ANK3: variants seen among roughly 807,000 people sequenced by gnomAD.
ANK3 encodes ankyrin 3.
ANK3 carries 57 observed loss-of-function variants against 370.9 expected under a neutral mutation model. The observed-to-expected ratio is 0.15, with a 90% CI of 0.12 to 0.19. The LOEUF is 0.19. Ranked by LOEUF, ANK3 falls within the 10% of genes least tolerant of loss-of-function variation. The pLI is 1.00. For missense variants in ANK3, 4,439 were observed against 5,302.1 expected (o/e 0.84, Z 5.06); for synonymous variants, 1,929 against 1,946.3 (o/e 0.99, Z 0.23).
chr10:60,121,559 G>T (rs1166446315), intron 25 of ANK3, among the ~76,000 whole-genome samples: 3 of 151,946 alleles, frequency 2.0e-5, no homozygotes, highest in African/African-American at 7.2e-5. Flanking sequence ...AAGCGTGGTG[G>T]TGTGTGCCTG....
rs148109897 is a variant in ANK3, at chr10:60,069,791, G to C, written c.11090C>G (p.Ser3697Cys). 472 of 1,614,126 alleles carry C rather than the reference G, an allele frequency of 2.9e-4. No individual in the cohort carries two copies. Among genetic ancestry groups the C allele is most frequent in the Middle Eastern group, 1.5e-3 (9 of 6,060 alleles). The change falls in exon 37 of 44, where the codon TCC (serine) becomes TGC (cysteine). Residue 3697 changes from serine (S) to cysteine (C), a missense_variant. Transcript: ENST00000280772. The part of the protein sequence containing the change: ...PTSGECQEGT[S>C]SSGSLEKSAA... ...TGATTTCTCCAGGGAGCCACTACTG[G>C]ATGTGCCTTCCTGACACTCTCCGCT...
chr10:60,662,783 A>G (rs1275113397), intron 1 of ANK3, among the ~76,000 whole-genome samples: 2 of 152,196 alleles, frequency 1.3e-5, no homozygotes, highest in African/African-American at 4.8e-5. Flanking sequence ...CAGGTCTAGC[A>G]TGTCGTTGGT....
chr10:60,507,263 A>T (rs2075964926), intron 2 of ANK3, among the ~76,000 whole-genome samples: 1 of 152,232 alleles, frequency 6.6e-6, no homozygotes, highest in East Asian at 1.9e-4. Context: ...AACAATAATC[A>T]CTGCCAAAAA....
chr10:60,669,309 C>T (rs1256195282), intron 1 of ANK3, among the ~76,000 whole-genome samples: 1 of 152,186 alleles, frequency 6.6e-6, no homozygotes, highest in Non-Finnish European at 1.5e-5. Context: ...AGCTATTTTT[C>T]AAATGCATTC....
At chr10:60,641,458 G>A (rs1214093987) in intron 1 of ANK3, among the ~76,000 whole-genome samples, 3 of 151,492 alleles carry the variant, frequency 2.0e-5, no homozygotes, top group African/African-American at 7.3e-5. Flanking sequence ...ACAGAACAGA[G>A]CCCTCAGAAA....
At chr10:60,129,978 T>C (rs2093978017) in intron 25 of ANK3, among the ~76,000 whole-genome samples, 1 of 152,204 alleles carries the variant, frequency 6.6e-6, no homozygotes, top group Non-Finnish European at 1.5e-5. Context: ...CATTTTGAAA[T>C]TTATAAATAC....
intron 2 of ANK3, among the ~76,000 whole-genome samples, chr10:60,494,129 AG>A (rs2075594655): frequency 6.6e-6 from 1 of 152,160 alleles, no homozygotes; most frequent in African/African-American, 2.4e-5. Context: ...CCAGATCCAA[AG>A]CCTGTCCTGC....
In ANK3 at chr10:60,072,941, A is replaced by T. The variant is rs376931030; in HGVS notation, c.7940T>A (p.Val2647Asp). 1.1e-4 allele frequency: 184 copies of T among 1,613,894 alleles called. 2 individuals are homozygous for T. The South Asian group carries it at 2.0e-3, about 17-fold the overall frequency. The change falls in exon 37 of 44, where the codon GTT (valine) becomes GAT (aspartate). Residue 2647 changes from valine (V) to aspartate (D), a missense_variant. By Grantham distance (152) the Val-to-Asp change is radical. Coordinates refer to ENST00000280772, the MANE Select transcript of ANK3 (RefSeq NM_020987.5). Reference protein sequence around the residue: ...TELLASNDEWVKARQHGPDGQ... With the variant: ...TELLASNDEWDKARQHGPDGQ... ...ATCAGGGCCATGCTGTCTTGCCTTA[A>T]CCCACTCATCATTGGATGCCAGCAG... is the stretch of plus-strand genomic sequence containing the variant.
intron 16 of ANK3, among the ~76,000 whole-genome samples, chr10:60,194,515 T>C (rs1430746968): frequency 6.6e-6 from 1 of 152,250 alleles, no homozygotes; most frequent in Non-Finnish European, 1.5e-5. Flanking sequence ...TTTGTCCTTT[T>C]GTGGCTGGCT....
chr10:60,268,647 C>G (rs1169347161), intron 5 of ANK3, among the ~76,000 whole-genome samples: 1 of 151,728 alleles, frequency 6.6e-6, no homozygotes, highest in South Asian at 2.1e-4. Context: ...TTTGATATAT[C>G]TAATATTTCT....
Position 60,072,911 on chromosome 10 carries a change from T to G in ANK3, c.7970A>C (p.Gln2657Pro). ...VKARQHGPDGQGFPKAEEKAP... is the reference protein window; with the variant it reads ...VKARQHGPDGPGFPKAEEKAP... ...CTTCTCCTCGGCCTTGGGGAAGCCT[T>G]GTCCATCAGGGCCATGCTGTCTTGC... is the stretch of plus-strand genomic sequence containing the variant. The change falls in exon 37 of 44, where the codon CAA (glutamine) becomes CCA (proline). Residue 2657 changes from glutamine to proline, a missense_variant. Transcript: ENST00000280772. The G allele has an allele frequency of 6.2e-7, 1 of 1,614,076 alleles. No individual in the cohort carries two copies. Among genetic ancestry groups the G allele is most frequent in the South Asian group, 1.1e-5 (1 of 91,066 alleles).
chr10:60,038,940 T>C (rs563046969), intron 43 of ANK3, among the ~76,000 whole-genome samples: 2 of 152,284 alleles, frequency 1.3e-5, no homozygotes, highest in South Asian at 4.1e-4. Flanking sequence ...ACTGATGAGG[T>C]CTTAGCTTAA....
At chr10:60,424,357 A>G (rs1272059956) in intron 2 of ANK3, among the ~76,000 whole-genome samples, 2 of 152,056 alleles carry the variant, frequency 1.3e-5, no homozygotes, top group Non-Finnish European at 2.9e-5. Flanking sequence ...TTAGGGAAAA[A>G]AATACCAATC....
intron 1 of ANK3, among the ~76,000 whole-genome samples, chr10:60,626,306 GATAAT>G (rs2078409433): frequency 6.6e-6 from 1 of 152,024 alleles, no homozygotes; most frequent in South Asian, 2.1e-4. Context: ...ACAAATTTGT[GATAAT>G]ATATTTGCTT....
chr10:60,618,540 A>G (rs1426320529), intron 1 of ANK3, among the ~76,000 whole-genome samples: 2 of 152,140 alleles, frequency 1.3e-5, no homozygotes, highest in Non-Finnish European at 2.9e-5. Context: ...CTGAAGCAGA[A>G]AAGAGTAGGA....
chr10:60,593,249 A>C (rs535311945), intron 2 of ANK3, among the ~76,000 whole-genome samples: 1 of 152,328 alleles, frequency 6.6e-6, no homozygotes, highest in African/African-American at 2.4e-5. Context: ...CTCCATATCC[A>C]AGGAACTGAT....
At chr10:60,497,692 A>T (rs937285583) in intron 2 of ANK3, among the ~76,000 whole-genome samples, 2 of 152,194 alleles carry the variant, frequency 1.3e-5, no homozygotes, top group Admixed American at 1.3e-4. Context: ...AAAAATGTTC[A>T]TTTGATTGGC....
chr10:60,450,993 G>A (rs1298679721), intron 2 of ANK3, among the ~76,000 whole-genome samples: 1 of 152,188 alleles, frequency 6.6e-6, no homozygotes. Flanking sequence ...CTTGAGAAGA[G>A]ATTATCCTGG....
chr10:60,313,593 T>C (rs2046804468), intron 1 of ANK3, among the ~76,000 whole-genome samples: 1 of 152,208 alleles, frequency 6.6e-6, no homozygotes, highest in Non-Finnish European at 1.5e-5. Flanking sequence ...GAATCTTCAG[T>C]TGGTCTTTTC....
Sources: gnomAD v4.1 joint callset for allele counts (sites outside exome capture counted in the v4.1 genomes callset) on GRCh38, gnomAD v4.1.1 for gene constraint, MANE v1.5 for transcripts, NCBI Gene and HGNC (gene_info 2026-07-23, HGNC 2026-07-21) for gene names.